The following SH3TC2 variants were observed in gnomAD, a reference collection of about 807,000 sequenced individuals.
SH3TC2 encodes SH3 domain and tetratricopeptide repeat-containing protein 2.
Under a neutral mutation model 124.5 loss-of-function variants are expected in SH3TC2, and 87 were observed. That is an observed-to-expected ratio of 0.70 (90% CI 0.59 to 0.84). SH3TC2 has a LOEUF of 0.84. Ranked by LOEUF, SH3TC2 falls within the 40% of genes least tolerant of loss-of-function variation. SH3TC2 has a pLI of 0.00. For missense variants in SH3TC2, 1,536 were observed against 1,566.4 expected, an observed-to-expected ratio of 0.98 and a Z score of 0.33; for synonymous variants, 634 against 628.5, an observed-to-expected ratio of 1.01 and a Z score of -0.13.
intron 5 of SH3TC2, among the ~76,000 whole-genome samples, chr5:149,041,873 A>T (rs1230949403): frequency 2.0e-5 from 3 of 152,194 alleles, no homozygotes; most frequent in Non-Finnish European, 4.4e-5. Flanking sequence ...AAAAGGCTTA[A>T]TTGGGACTTT....
At chr5:149,052,318 G>A in intron 1 of SH3TC2, 78 bp from the exon 2 acceptor site, 1 of 1,145,940 alleles carries the variant, frequency 8.7e-7, no homozygotes, top group Non-Finnish European at 1.3e-6. Flanking sequence ...CTGTAGTTTT[G>A]GTCAAGTGAC....
chr5:149,007,173 G>A (rs756501958), intron 15 of SH3TC2, 96 bp from the exon 16 acceptor site: 2 of 1,147,514 alleles, frequency 1.7e-6, no homozygotes, highest in South Asian at 2.5e-5. Flanking sequence ...AGGTCTACTA[G>A]ATGTCAGGGA....
chr5:149,052,187 A>T lies in SH3TC2; in HGVS notation c.106T>A (p.Ser36Thr). Residue 36 changes from serine (S) to threonine (T), a missense_variant, in exon 2 of 17, where the codon TCT becomes ACT. This residue lies in a region of SH3TC2 where 1,102 missense variants were observed against 1,098.6 expected (regional missense o/e 1.00). Coordinates refer to ENST00000515425, the MANE Select transcript of SH3TC2 (RefSeq NM_024577.4). The part of the protein sequence containing the change: ...PTVSSECIAS[S>T]EYKEKCFLPQ... Reference sequence around the variant, plus strand: ...AGAAAACATTTTTCCTTGTATTCAGATGAGGCTATACACTCACTCGATACA... The same window carrying T: ...AGAAAACATTTTTCCTTGTATTCAGTTGAGGCTATACACTCACTCGATACA... 1 of 1,613,832 alleles carries T rather than the reference A, an allele frequency of 6.2e-7. No homozygotes were observed. The highest frequency in any genetic ancestry group is 8.5e-7 in the Non-Finnish European group (1 of 1,179,762).
At chr5:149,031,519 C>A (rs1754192748) in intron 9 of SH3TC2, 35 bp downstream of exon 9, 2 of 1,613,852 alleles carry the variant, frequency 1.2e-6, no homozygotes, top group East Asian at 4.5e-5. Flanking sequence ...TTGAGGACCC[C>A]AGGCTTTTGA....
At position 148,993,129 on chromosome 5, in the gene SH3TC2, T is replaced by C. The variant is rs918267513; in HGVS notation, c.*11582A>G. Among the ~76,000 whole-genome samples, 4 of 152,290 alleles carry C rather than the reference T, an allele frequency of 2.6e-5. No individual in the cohort carries two copies. The highest frequency in any genetic ancestry group is 2.1e-4 in the South Asian group (1 of 4,828). ...AGGCATTTGTCCCTCACCGTTTCGATTGAAATAATCAGTTCAAAATAAAAC... is the reference window on the plus strand; with the variant it reads ...AGGCATTTGTCCCTCACCGTTTCGACTGAAATAATCAGTTCAAAATAAAAC... On this transcript the variant is annotated 3_prime_UTR_variant, in exon 17 of 17. Coordinates refer to ENST00000515425, the MANE Select transcript of SH3TC2 (RefSeq NM_024577.4).
rs1554121720 is a variant in SH3TC2 at position 149,028,081 on chromosome 5, A to C, written c.1651T>G (p.Phe551Val). 6.2e-7 allele frequency: 1 copy of C among 1,614,102 alleles called. No homozygotes were observed. Among genetic ancestry groups the C allele is most frequent in the South Asian group, 1.1e-5 (1 of 91,086 alleles). ...TTGAGAATGTGGATGGCCTCCTCGA[A>C]GTACACCCTGGCCTGAGAGAGTTTG... Reference protein sequence around the residue: ...KVKLSQARVYFEEAIHILNGA... With the variant: ...KVKLSQARVYVEEAIHILNGA... The change falls in exon 11 of 17, where the codon TTC becomes GTC. Residue 551 changes from phenylalanine (F) to valine (V), a missense_variant. By Grantham distance (50) the Phe-to-Val change is conservative. Transcript: ENST00000515425.
chr5:149,037,410 CCTT>C (rs1254849773), intron 8 of SH3TC2, among the ~76,000 whole-genome samples: 2 of 152,148 alleles, frequency 1.3e-5, no homozygotes, highest in African/African-American at 2.4e-5. Context: ...AAAAAAATAA[CCTT>C]CTGTCTCCTC....
chr5:149,045,146 GATCA>G (rs1754437524), intron 3 of SH3TC2: 1 of 154,046 alleles, frequency 6.5e-6, no homozygotes, highest in South Asian at 2.0e-4. Context: ...TACTCCTAAA[GATCA>G]TCAGTGTTAA....
chr5:149,007,639 C>A, intron 15 of SH3TC2: 1 of 192,108 alleles, frequency 5.2e-6, no homozygotes, highest in South Asian at 1.1e-4. Context: ...AAGCTACAAA[C>A]ACCTGTTCAC....
At chr5:149,047,677 T>C in intron 3 of SH3TC2, 185 bp downstream of exon 3, 1 of 787,524 alleles carries the variant, frequency 1.3e-6, no homozygotes, top group Middle Eastern at 3.7e-4. Context: ...CATTCAGAGT[T>C]CCTGCCCACT....
chr5:149,019,246 G>A (rs539760727), intron 12 of SH3TC2, among the ~76,000 whole-genome samples: 2 of 152,124 alleles, frequency 1.3e-5, no homozygotes, highest in Non-Finnish European at 2.9e-5. Flanking sequence ...ACCCCCGGGT[G>A]CATAGAAACA....
Position 149,038,304 on chromosome 5 carries a change from T to C in SH3TC2, c.992A>G (p.Tyr331Cys), listed in dbSNP as rs775750654. Reference protein sequence around the residue: ...VPTRNIDPDSYSPMSRNSAFL... With the variant: ...VPTRNIDPDSCSPMSRNSAFL... ...CACTGTCAATACTCACATTGGGGAATAAGAATCAGGATCTATGTTCCTGGT... is the reference window on the plus strand; with the variant it reads ...CACTGTCAATACTCACATTGGGGAACAAGAATCAGGATCTATGTTCCTGGT... Residue 331 changes from tyrosine to cysteine, a missense_variant, in exon 8 of 17, where the codon TAT becomes TGT. Transcript: ENST00000515425. 1 of 1,613,922 alleles carries C rather than the reference T, an allele frequency of 6.2e-7. No homozygotes were observed. Among genetic ancestry groups the C allele is most frequent in the Non-Finnish European group, 8.5e-7 (1 of 1,179,810 alleles).
rs1561756116 is a variant in SH3TC2, at chr5:149,004,822, GGT to G, written c.3754_3755del (p.Thr1252HisfsTer2). 6.2e-7 allele frequency: 1 copy of G among 1,614,152 alleles called. No homozygotes were observed. The highest frequency in any genetic ancestry group is 1.3e-5 in the African/African-American group (1 of 75,032). ...AGATGTTGTCCAGCCTGCTCCTAAT[GGT>G]GTCCTGAAGCTCCTCATCACCCAGC... is the stretch of plus-strand genomic sequence containing the variant. ...VLLGDEELQD[T>X]IRSRLDNICQ... On this transcript the variant is annotated frameshift_variant, in exon 17 of 17. Coordinates refer to ENST00000515425, the MANE Select transcript of SH3TC2 (RefSeq NM_024577.4). LOFTEE classifies it high-confidence loss of function.
rs1196218767 is a variant in SH3TC2, at chr5:149,027,876, A to T, written c.1856T>A (p.Val619Glu). Residue 619 changes from valine (V) to glutamate (E), a missense_variant, in exon 11 of 17, where the codon GTG becomes GAG. Coordinates refer to ENST00000515425, the MANE Select transcript of SH3TC2 (RefSeq NM_024577.4). The stretch of plus-strand genomic sequence containing the variant: ...GCCCACCACAATCCCCTGGCGCAGC[A>T]CGTAGGCCACCACGTCGAGTTCATG... ...AKHELDVVAY[V>E]LRQGIVVGSS... 3.1e-6 allele frequency: 5 copies of T among 1,613,934 alleles called. No homozygotes were observed. In the Admixed American group the frequency reaches 8.3e-5, roughly 27 times the overall value.
rs1753580925 is a variant in SH3TC2 at position 149,000,568 on chromosome 5, G to C, written c.*4143C>G. ...CCCTTATAAAAATAAGTTAATATGAGTAAAAGAAGTAAATCAATTTAGAAA... is the reference window on the plus strand; with the variant it reads ...CCCTTATAAAAATAAGTTAATATGACTAAAAGAAGTAAATCAATTTAGAAA... On this transcript the variant is annotated 3_prime_UTR_variant, in exon 17 of 17. Transcript: ENST00000515425. 6.6e-6 allele frequency among the ~76,000 whole-genome samples: 1 copy of C among 152,152 alleles called. No homozygotes were observed. The highest frequency in any genetic ancestry group is 1.5e-5 in the Non-Finnish European group (1 of 68,034).
Position 149,028,028 on chromosome 5 carries a change from C to A in SH3TC2, c.1704G>T (p.Val568=). The part of the protein sequence containing the change: ...LNGAFEDLSL[V]ATLYINLAAI... ...CAGCCAAATTGATGTACAGAGTGGCCACCAAGGATAGGTCCTCAAATGCTC... is the reference window on the plus strand; with the variant it reads ...CAGCCAAATTGATGTACAGAGTGGCAACCAAGGATAGGTCCTCAAATGCTC... The change falls in exon 11 of 17, where the codon GTG becomes GTT. Residue 568 remains valine, a synonymous_variant. Coordinates refer to ENST00000515425, the MANE Select transcript of SH3TC2 (RefSeq NM_024577.4). 6.2e-7 allele frequency: 1 copy of A among 1,614,126 alleles called. No individual in the cohort carries two copies. The highest frequency in any genetic ancestry group is 8.5e-7 in the Non-Finnish European group (1 of 1,180,036).
At chr5:149,029,264 T>C (rs1047759240) in intron 9 of SH3TC2, among the ~76,000 whole-genome samples, 4 of 152,202 alleles carry the variant, frequency 2.6e-5, no homozygotes, top group African/African-American at 9.6e-5. Context: ...CTGGACACTG[T>C]GTTTGTAAAA....
chr5:149,024,096 T>C (rs1040056758), intron 12 of SH3TC2, among the ~76,000 whole-genome samples: 1 of 152,140 alleles, frequency 6.6e-6, no homozygotes, highest in African/African-American at 2.4e-5. Context: ...ACTGTGCTTG[T>C]CACTAAAGAC....
rs1753342330 is a variant in SH3TC2, at chr5:148,986,941, G to A, written c.*17770C>T. ...GGTCATATCAAGAATTCCAAGGAGA[G>A]GCAGAGTTTTCAAAGACTCCAGTTC... On this transcript the variant is annotated 3_prime_UTR_variant, in exon 17 of 17. Coordinates refer to ENST00000515425, the MANE Select transcript of SH3TC2 (RefSeq NM_024577.4). Among the ~76,000 whole-genome samples the A allele has an allele frequency of 6.6e-6, 1 of 152,216 alleles. No homozygotes were observed. Among genetic ancestry groups the A allele is most frequent in the Non-Finnish European group, 1.5e-5 (1 of 68,044 alleles).
Sources: allele counts gnomAD v4.1 joint callset (sites outside exome capture counted in the v4.1 genomes callset), GRCh38; gene constraint gnomAD v4.1.1; regional missense constraint gnomAD v4.1.1; transcripts MANE v1.5; gene names NCBI Gene and HGNC (gene_info 2026-07-23, HGNC 2026-07-21).